The following FAM209A variants were observed in gnomAD, a reference collection of about 807,000 sequenced individuals.
FAM209A encodes protein FAM209A.
FAM209A carries 4 observed loss-of-function variants against 9.8 expected under a neutral mutation model. The observed-to-expected ratio is 0.41, with a 90% CI of 0.20 to 0.94. The LOEUF is 0.94. FAM209A is among the 40% of genes least tolerant of loss of function. FAM209A has a pLI of 0.32. For missense variants in FAM209A, 205 were observed against 209.4 expected (o/e 0.98, Z 0.13); for synonymous variants, 55 against 77.8 (o/e 0.71, Z 1.54).
downstream of FAM209A, among the ~76,000 whole-genome samples, chr20:56,527,017 T>C (rs150460770): frequency 1.4e-3 from 219 of 152,346 alleles, no homozygotes; most frequent in African/African-American, 5.1e-3. Context: ...TTCTTTATCC[T>C]ACTTATTCAA....
At chr20:56,530,184 CCATT>C (rs1985695805), downstream of FAM209A, among the ~76,000 whole-genome samples, 1 of 141,382 alleles carries the variant, frequency 7.1e-6, no homozygotes, top group South Asian at 2.6e-4. Context: ...ACTCATCCAT[CCATT>C]CAACAACATA....
the FAM209A span, among the ~76,000 whole-genome samples, chr20:56,532,480 C>CTTTTTTTTTTTTT: frequency 1.4e-4 from 15 of 108,256 alleles, no homozygotes; most frequent in East Asian, 6.9e-4. Flanking sequence ...TTTTCTTTTT[C>CTTTTTTTTTTTTT]TTTTTTTTTT....
At chr20:56,528,123 A>G (rs1985615672), downstream of FAM209A, among the ~76,000 whole-genome samples, 1 of 151,538 alleles carries the variant, frequency 6.6e-6, no homozygotes, top group African/African-American at 2.4e-5. Flanking sequence ...ATAAATAAAT[A>G]AAAAGAATGG....
rs377460786 is a variant in FAM209A, at chr20:56,526,077, T to A, written c.*7T>A. The A allele has an allele frequency of 5.1e-6, 8 of 1,579,292 alleles. No homozygotes were observed. Among genetic ancestry groups the A allele is most frequent in the Non-Finnish European group, 6.9e-6 (8 of 1,163,040 alleles). ...AGAAGAAAGCTCTAGCTGAATGGATTTGTGTGTCAGGAGAGAAAAAAGTTG... is the reference window on the plus strand; with the variant it reads ...AGAAGAAAGCTCTAGCTGAATGGATATGTGTGTCAGGAGAGAAAAAAGTTG... On this transcript the variant is annotated 3_prime_UTR_variant, in exon 2 of 2. Coordinates refer to ENST00000371328, the MANE Select transcript of FAM209A (RefSeq NM_001012971.4).
rs769929733 is a variant in FAM209A at position 56,524,803 on chromosome 20, C to T, written c.-6C>T. ...TGAGCAACTCCCTTCCCCATCTCTGCTCACCATGTGGACGCTGAAATCGTC... is the reference window on the plus strand; with the variant it reads ...TGAGCAACTCCCTTCCCCATCTCTGTTCACCATGTGGACGCTGAAATCGTC... On this transcript the variant is annotated 5_prime_UTR_variant, in exon 1 of 2. Coordinates refer to ENST00000371328, the MANE Select transcript of FAM209A (RefSeq NM_001012971.4). 39 of 1,613,890 alleles carry T rather than the reference C, an allele frequency of 2.4e-5. No homozygotes were observed. The Admixed American group carries it at 6.5e-4, about 27-fold the overall frequency.
the FAM209A span, among the ~76,000 whole-genome samples, chr20:56,531,974 C>CTTTTTTT: frequency 1.1e-4 from 12 of 113,036 alleles, no homozygotes; most frequent in Admixed American, 1.9e-4. Context: ...CTTTTCTTTT[C>CTTTTTTT]TTTTTTTTTT....
chr20:56,532,783 C>T, the FAM209A span, among the ~76,000 whole-genome samples: 6 of 151,830 alleles, frequency 4.0e-5, no homozygotes, highest in Non-Finnish European at 7.4e-5. Context: ...CGCCCGGCCA[C>T]GCTCTCATAT....
rs186694217 is a variant in FAM209A, at chr20:56,525,657, G to A, written c.250-147G>A. 9.1e-5 allele frequency: 73 copies of A among 802,396 alleles called. 1 individual carries two copies. The highest frequency in any genetic ancestry group is 7.4e-4 in the South Asian group (42 of 57,062). The allele number at this position is 802,396 out of a possible 1,614,324, so 49.7% of individuals were successfully genotyped here. The stretch of plus-strand genomic sequence containing the variant: ...GAGCAGGGATCGGCAAACCCTTCCC[G>A]TAAAGGGCCAGGGAGGGTGCGAATA... On this transcript the variant is annotated intron_variant, in intron 1 of 1. Transcript: ENST00000371328.
downstream of FAM209A, among the ~76,000 whole-genome samples, chr20:56,530,459 A>G (rs1374591710): frequency 6.6e-6 from 1 of 152,066 alleles, no homozygotes; most frequent in Admixed American, 6.6e-5. Flanking sequence ...TATGTACCAC[A>G]TGTGTTCTGT....
downstream of FAM209A, among the ~76,000 whole-genome samples, chr20:56,530,073 C>T (rs1256416364): frequency 6.6e-6 from 1 of 151,506 alleles, no homozygotes; most frequent in African/African-American, 2.4e-5. Context: ...CCCACACACC[C>T]ATCCATCCAA....
chr20:56,524,932 T>G lies in FAM209A; in HGVS notation c.124T>G (p.Phe42Val), dbSNP rs1985454874. 1 of 1,614,070 alleles carries G rather than the reference T, an allele frequency of 6.2e-7. No individual in the cohort carries two copies. The highest frequency in any genetic ancestry group is 1.1e-5 in the South Asian group (1 of 91,092). ...GGGGAAGGTGCAATACGGAGAGCAC[T>G]TTCGGATTCGGCAGAATCTACCAGA... ...PQGKVQYGEH[F>V]RIRQNLPEHT... is the part of the protein sequence containing the mutation. The change falls in exon 1 of 2, where the codon TTT becomes GTT. Residue 42 changes from phenylalanine to valine, a missense_variant. Phe to Val is a conservative substitution (Grantham distance 50). Coordinates refer to ENST00000371328, the MANE Select transcript of FAM209A (RefSeq NM_001012971.4).
chr20:56,533,282 T>C, the FAM209A span: 2,334 of 1,590,970 alleles, frequency 1.5e-3, 16 homozygotes, highest in African/African-American at 0.016. Flanking sequence ...TGCCCAGTCT[T>C]CCAGTTGCGA....
At chr20:56,532,430 C>T in the FAM209A span, among the ~76,000 whole-genome samples, 1 of 151,516 alleles carries the variant, frequency 6.6e-6, no homozygotes, top group East Asian at 1.9e-4. Context: ...ACAGTGTGGG[C>T]CCAGTGCTTC....
chr20:56,533,468 C>G, the FAM209A span: 2 of 1,614,100 alleles, frequency 1.2e-6, no homozygotes. Context: ...AGAGCACTTT[C>G]GGATTCGGCA....
chr20:56,526,329 T>C (rs368893852), downstream of FAM209A, among the ~76,000 whole-genome samples: 31 of 152,316 alleles, frequency 2.0e-4, no homozygotes, highest in Non-Finnish European at 4.0e-4. Context: ...CTCGTGCTTC[T>C]GTTCAATGGC....
At chr20:56,531,974 C>CTT in the FAM209A span, among the ~76,000 whole-genome samples, 484 of 113,038 alleles carry the variant, frequency 4.3e-3, 6 homozygotes, top group African/African-American at 0.015. Flanking sequence ...CTTTTCTTTT[C>CTT]TTTTTTTTTT....
the FAM209A span, among the ~76,000 whole-genome samples, chr20:56,531,182 T>C: frequency 3.3e-5 from 5 of 152,106 alleles, no homozygotes; most frequent in Admixed American, 3.3e-4. Flanking sequence ...TCTCCCCTGC[T>C]CTACTCAACC....
Position 56,524,897 on chromosome 20 carries a change from G to A in FAM209A, c.89G>A (p.Ser30Asn). 1 of 1,614,104 alleles carries A rather than the reference G, an allele frequency of 6.2e-7. No homozygotes were observed. The highest frequency in any genetic ancestry group is 8.5e-7 in the Non-Finnish European group (1 of 1,179,960). ...TTCTCTTCTCTGAGACAGAAAACTA[G>A]CGAACCCCAGGGGAAGGTGCAATAC... ...FMFSSLRQKT[S>N]EPQGKVQYGE... is the part of the protein sequence containing the mutation. Residue 30 changes from serine to asparagine, a missense_variant, in exon 1 of 2, where the codon AGC becomes AAC. Ser to Asn is a conservative substitution (Grantham distance 46). Coordinates refer to ENST00000371328, the MANE Select transcript of FAM209A (RefSeq NM_001012971.4).
chr20:56,533,498 C>G, the FAM209A span: 8 of 1,614,174 alleles, frequency 5.0e-6, no homozygotes, highest in Non-Finnish European at 6.8e-6. Flanking sequence ...AGAGCACACC[C>G]AAGGCTGGCT....
Sources: allele counts gnomAD v4.1 joint callset (sites outside exome capture counted in the v4.1 genomes callset), GRCh38; gene constraint gnomAD v4.1.1; transcripts MANE v1.5; gene names NCBI Gene and HGNC (gene_info 2026-07-23, HGNC 2026-07-21).